RXRG: variants seen among roughly 807,000 people sequenced by gnomAD.
RXRG encodes retinoic acid receptor RXR-gamma.
RXRG carries 19 observed loss-of-function variants against 49.2 expected under a neutral mutation model. The observed-to-expected ratio is 0.39, with a 90% CI of 0.27 to 0.57. RXRG has a LOEUF of 0.57. Ranked by LOEUF, RXRG falls within the 20% of genes least tolerant of loss-of-function variation. The pLI is 0.64. For missense variants in RXRG, 452 were observed against 592.5 expected (o/e 0.76, Z 2.46); for synonymous variants, 224 against 216.6 (o/e 1.03, Z -0.30).
At chr1:165,436,886 C>A in intron 1 of RXRG, 1 of 1,108,226 alleles carries the variant, frequency 9.0e-7, no homozygotes, top group Non-Finnish European at 1.1e-6. Flanking sequence ...TCCCAAACTC[C>A]TGGTGGGATT....
chr1:165,430,413 A>G (rs912852390), intron 1 of RXRG, among the ~76,000 whole-genome samples: 1 of 152,234 alleles, frequency 6.6e-6, no homozygotes, highest in African/African-American at 2.4e-5. Flanking sequence ...AGAGAGCAGG[A>G]AGTGTCAGAA....
intron 4 of RXRG, among the ~76,000 whole-genome samples, chr1:165,416,613 T>A (rs1292689996): frequency 1.3e-5 from 2 of 152,132 alleles, no homozygotes; most frequent in Non-Finnish European, 2.9e-5. Context: ...AGGAGAAAAG[T>A]CACCTCCACC....
intron 2 of RXRG, chr1:165,424,943 C>T (rs950926778): frequency 1.1e-4 from 113 of 985,398 alleles, no homozygotes; most frequent in South Asian, 7.0e-4. Context: ...AGTGTGGTTC[C>T]GGAGCCCAAG....
intron 1 of RXRG, among the ~76,000 whole-genome samples, chr1:165,432,499 A>T (rs1189023493): frequency 2.6e-5 from 4 of 152,232 alleles, no homozygotes; most frequent in African/African-American, 9.6e-5. Flanking sequence ...AGTGTTTCTC[A>T]ATGGAAAATT....
At chr1:165,416,889 G>T in intron 4 of RXRG, 152 bp downstream of exon 4, 1 of 687,016 alleles carries the variant, frequency 1.5e-6, no homozygotes, top group Non-Finnish European at 2.4e-6. Context: ...TTCCTATTCA[G>T]ACTTCTCTTT....
chr1:165,420,815 C>G (rs1451306046), intron 2 of RXRG, among the ~76,000 whole-genome samples: 1 of 152,176 alleles, frequency 6.6e-6, no homozygotes, highest in African/African-American at 2.4e-5. Context: ...AGGTATATCT[C>G]TCATTCCTCA....
At chr1:165,403,978 G>C (rs185871218) in intron 9 of RXRG, among the ~76,000 whole-genome samples, 2 of 152,348 alleles carry the variant, frequency 1.3e-5, no homozygotes, top group East Asian at 3.9e-4. Context: ...GAGAGTGTGT[G>C]TGTGAGTTCT....
chr1:165,417,108 C>T lies in RXRG; in HGVS notation c.555G>A (p.Lys185=), dbSNP rs762894406. 2.5e-6 allele frequency: 4 copies of T among 1,614,058 alleles called. No individual in the cohort carries two copies. The highest frequency in any genetic ancestry group is 2.5e-6 in the Non-Finnish European group (3 of 1,180,016). Residue 185 remains lysine (K), a synonymous_variant, in exon 4 of 10, where the codon AAG becomes AAA. Transcript: ENST00000359842. ...CRDNKDCLID[K]RQRNRCQYCR... The stretch of plus-strand genomic sequence containing the variant: ...AGTACTGGCAGCGGTTGCGCTGACG[C>T]TTGTCAATGAGGCAGTCTTTATTAT...
chr1:165,429,564 C>T (rs157878), intron 1 of RXRG, among the ~76,000 whole-genome samples: 132,971 of 152,170 alleles, frequency 0.87, 58,176 homozygotes, highest in Admixed American at 0.92. Flanking sequence ...GTCATACCCC[C>T]AGTTTCCTAT....
intron 6 of RXRG, 55 bp downstream of exon 6, chr1:165,410,647 T>A (rs1657913351): frequency 1.9e-6 from 3 of 1,605,268 alleles, no homozygotes; most frequent in East Asian, 4.5e-5. Context: ...TTTTTTAGGA[T>A]CCCAAGAGCA....
At chr1:165,415,107 T>C (rs944965794) in intron 4 of RXRG, among the ~76,000 whole-genome samples, 1 of 152,046 alleles carries the variant, frequency 6.6e-6, no homozygotes, top group African/African-American at 2.4e-5. Context: ...GGGTGGCTGG[T>C]GCAATTTTAG....
chr1:165,408,409 C>T, intron 7 of RXRG, 91 bp from the exon 8 acceptor site: 5 of 861,508 alleles, frequency 5.8e-6, no homozygotes, highest in Non-Finnish European at 1.0e-5. Context: ...TTTATAAGCC[C>T]ACTCTGTTTC....
rs1658571637 is a variant in RXRG, at chr1:165,428,745, T to G, written c.271A>C (p.Asn91His). The part of the protein sequence containing the change: ...SGALAAPPGI[N>H]LVAPPSSQLN... ...TGAGAGCTGGGTGGGGCAACCAAGT[T>G]GATTCCTGGAGGCGCTGCAAGTGCT... The change falls in exon 2 of 10, where the codon AAC becomes CAC. Residue 91 changes from asparagine to histidine, a missense_variant. Transcript: ENST00000359842. 2 of 1,602,358 alleles carry G rather than the reference T, an allele frequency of 1.2e-6. No homozygotes were observed. Among genetic ancestry groups the G allele is most frequent in the East Asian group, 4.5e-5 (2 of 44,514 alleles).
intron 4 of RXRG, among the ~76,000 whole-genome samples, chr1:165,415,773 T>A (rs1248642298): frequency 6.6e-6 from 1 of 152,132 alleles, no homozygotes; most frequent in Non-Finnish European, 1.5e-5. Context: ...GAGCTGAGAT[T>A]TGGGTCTCTC....
intron 1 of RXRG, among the ~76,000 whole-genome samples, chr1:165,431,535 C>T (rs1038791256): frequency 3.3e-5 from 5 of 152,206 alleles, no homozygotes; most frequent in Admixed American, 6.5e-5. Flanking sequence ...AGCTGTCCTT[C>T]CCCCATGACC....
In RXRG at chr1:165,416,473, TGTAATGCCA is replaced by T. The variant is rs113786101; in HGVS notation, c.622+559_622+567del. 4.6e-5 allele frequency among the ~76,000 whole-genome samples: 7 copies of T among 152,290 alleles called. 1 individual carries two copies. The highest frequency in any genetic ancestry group is 1.7e-4 in the African/African-American group (7 of 41,570). ...GGGAAGGTTAGGTCTGTCAAACCTG[TGTAATGCCA>T]GTAATGCCAAAAGATGATGGAATAT... On this transcript the variant is annotated intron_variant, in intron 4 of 9. Coordinates refer to ENST00000359842, the MANE Select transcript of RXRG (RefSeq NM_006917.5).
Position 165,401,170 on chromosome 1 carries a change from G to T in RXRG, c.*93C>A. The T allele has an allele frequency of 1.6e-6, 2 of 1,212,292 alleles. No homozygotes were observed. Among genetic ancestry groups the T allele is most frequent in the Non-Finnish European group, 2.3e-6 (2 of 851,334 alleles). 75.1% of individuals were successfully genotyped at this position (1,212,292 alleles called of 1,614,324 possible). On this transcript the variant is annotated 3_prime_UTR_variant, in exon 10 of 10. Transcript: ENST00000359842. Reference sequence around the variant, plus strand: ...ATCACATTTTGGGGACAGGAAGGGGGTCAGGGTGGGAGGTGGAGGAAAGTG... The same window carrying T: ...ATCACATTTTGGGGACAGGAAGGGGTTCAGGGTGGGAGGTGGAGGAAAGTG...
intron 1 of RXRG, among the ~76,000 whole-genome samples, chr1:165,430,366 G>A: frequency 6.6e-6 from 1 of 152,236 alleles, no homozygotes; most frequent in East Asian, 1.9e-4. Flanking sequence ...GTCAGGAGTA[G>A]GATGCTAGGA....
At chr1:165,436,433 A>G (rs910517748) in intron 1 of RXRG, among the ~76,000 whole-genome samples, 2 of 152,240 alleles carry the variant, frequency 1.3e-5, no homozygotes, top group Non-Finnish European at 2.9e-5. Context: ...TTGTAAACAC[A>G]TAATAAAAGT....
Sources: allele counts gnomAD v4.1 joint callset (sites outside exome capture counted in the v4.1 genomes callset), GRCh38; gene constraint gnomAD v4.1.1; transcripts MANE v1.5; gene names NCBI Gene and HGNC (gene_info 2026-07-23, HGNC 2026-07-21).